Variants in CPNE4 observed in about 807,000 individuals in gnomAD.
CPNE4 encodes copine 4, also known as copine-4.
In CPNE4, 25 loss-of-function variants were observed where a neutral mutation model predicts 67.9. The observed-to-expected ratio is 0.37, with a 90% CI of 0.27 to 0.51. The LOEUF is 0.51. Ranked by LOEUF, CPNE4 falls within the 20% of genes least tolerant of loss-of-function variation. The pLI is 0.93. For missense variants in CPNE4, 464 were observed against 690.8 expected (o/e 0.67, Z 3.68); for synonymous variants, 242 against 244.9 (o/e 0.99, Z 0.11).
intron 2 of CPNE4, among the ~76,000 whole-genome samples, chr3:131,876,232 C>T (rs966495107): frequency 1.5e-5 from 2 of 135,158 alleles, no homozygotes; most frequent in African/African-American, 2.8e-5. Flanking sequence ...GAGCAAGACT[C>T]GGTCTCAAAA....
intron 2 of CPNE4, among the ~76,000 whole-genome samples, chr3:131,783,594 CA>C (rs2083479503): frequency 6.6e-6 from 1 of 151,804 alleles, no homozygotes; most frequent in Non-Finnish European, 1.5e-5. Flanking sequence ...TTTGTGATAC[CA>C]TTTTTGCAGC....
chr3:132,020,485 G>T (rs959390408), intron 1 of CPNE4, among the ~76,000 whole-genome samples: 1 of 152,176 alleles, frequency 6.6e-6, no homozygotes, highest in Non-Finnish European at 1.5e-5. Flanking sequence ...CAGGAAAGGG[G>T]GACTGTGGGA....
intron 1 of CPNE4, among the ~76,000 whole-genome samples, chr3:131,957,071 T>C (rs376484121): frequency 9.2e-5 from 14 of 152,338 alleles, no homozygotes; most frequent in Admixed American, 7.2e-4. Context: ...CCTCTCCCAA[T>C]TCAATGCCGT....
At chr3:131,808,298 TCAGA>T (rs2084396164) in intron 2 of CPNE4, among the ~76,000 whole-genome samples, 4 of 152,166 alleles carry the variant, frequency 2.6e-5, no homozygotes, top group African/African-American at 7.2e-5. Flanking sequence ...GTTAGAACTC[TCAGA>T]CAGAGGATTT....
chr3:131,749,797 G>T (rs1451245018), intron 2 of CPNE4, among the ~76,000 whole-genome samples: 2 of 152,076 alleles, frequency 1.3e-5, no homozygotes, highest in Non-Finnish European at 2.9e-5. Flanking sequence ...ATATTTGCAT[G>T]ATATATCCTT....
At chr3:131,556,230 T>G (rs1936449423) in intron 11 of CPNE4, among the ~76,000 whole-genome samples, 1 of 151,876 alleles carries the variant, frequency 6.6e-6, no homozygotes, top group South Asian at 2.1e-4. Context: ...AAAAATTAGC[T>G]GGGCATGGTG....
chr3:131,942,822 G>A (rs926837880), intron 1 of CPNE4, among the ~76,000 whole-genome samples: 4 of 152,154 alleles, frequency 2.6e-5, no homozygotes, highest in African/African-American at 9.7e-5. Flanking sequence ...TCTGTAAAAT[G>A]ATCTCTAAGA....
chr3:132,000,423 G>A (rs1170701315), intron 1 of CPNE4, among the ~76,000 whole-genome samples: 1 of 151,732 alleles, frequency 6.6e-6, no homozygotes, highest in Non-Finnish European at 1.5e-5. Context: ...ATAAAACAGA[G>A]CACAAAATTT....
chr3:131,843,540 T>G (rs941787144), intron 2 of CPNE4, among the ~76,000 whole-genome samples: 3 of 152,242 alleles, frequency 2.0e-5, no homozygotes, highest in African/African-American at 7.2e-5. Flanking sequence ...TGAAGTAACG[T>G]GTGTTGACAG....
intron 1 of CPNE4, chr3:132,017,655 G>T: frequency 6.6e-6 from 1 of 152,378 alleles, no homozygotes. Context: ...CAGCACCACC[G>T]ATCCTGGGAA....
chr3:131,936,374 G>C (rs910062972), intron 1 of CPNE4, among the ~76,000 whole-genome samples: 1 of 151,996 alleles, frequency 6.6e-6, no homozygotes, highest in African/African-American at 2.4e-5. Context: ...GGATGGGGGT[G>C]GGGTGGGCAG....
chr3:131,562,485 A>C (rs1353930516), intron 11 of CPNE4, among the ~76,000 whole-genome samples: 1 of 152,010 alleles, frequency 6.6e-6, no homozygotes, highest in East Asian at 1.9e-4. Context: ...TGTTAAGTGC[A>C]TTTACCTACT....
At chr3:131,684,297 G>T (rs549001698) in intron 6 of CPNE4, among the ~76,000 whole-genome samples, 1 of 152,120 alleles carries the variant, frequency 6.6e-6, no homozygotes, top group Admixed American at 6.6e-5. Context: ...GAAACTTAAC[G>T]GGTGAAAGAC....
chr3:131,619,003 T>C (rs1940317059), intron 7 of CPNE4, among the ~76,000 whole-genome samples: 1 of 152,154 alleles, frequency 6.6e-6, no homozygotes, highest in African/African-American at 2.4e-5. Flanking sequence ...GTAAAAAGCA[T>C]TGTGGACAAA....
intron 7 of CPNE4, among the ~76,000 whole-genome samples, chr3:131,603,914 C>A (rs994327343): frequency 6.6e-6 from 1 of 152,128 alleles, no homozygotes; most frequent in East Asian, 1.9e-4. Flanking sequence ...GGCTGTCTTA[C>A]CTGGAGAAAG....
At chr3:131,717,406 G>A (rs1560171409) in intron 3 of CPNE4, among the ~76,000 whole-genome samples, 1 of 152,218 alleles carries the variant, frequency 6.6e-6, no homozygotes, top group East Asian at 1.9e-4. Flanking sequence ...CCTCCTCGAA[G>A]AATCTCATCC....
chr3:132,019,067 C>T (rs776652259), intron 1 of CPNE4, among the ~76,000 whole-genome samples: 11 of 150,356 alleles, frequency 7.3e-5, no homozygotes, highest in Non-Finnish European at 1.5e-4. Flanking sequence ...ATGGCTGTCA[C>T]CTTTATGAAT....
chr3:131,932,158 C>G (rs1213358436), intron 1 of CPNE4, among the ~76,000 whole-genome samples: 3 of 152,172 alleles, frequency 2.0e-5, no homozygotes, highest in Non-Finnish European at 4.4e-5. Context: ...GACAGGAGGT[C>G]TCCAAACCAA....
chr3:131,589,932 C>A (rs1938427651), intron 7 of CPNE4, among the ~76,000 whole-genome samples: 1 of 152,112 alleles, frequency 6.6e-6, no homozygotes. Flanking sequence ...ACTAGAGACA[C>A]AGAGGTGGGA....
Sources: allele counts gnomAD v4.1 joint callset (sites outside exome capture counted in the v4.1 genomes callset), GRCh38; gene constraint gnomAD v4.1.1; transcripts MANE v1.5; gene names NCBI Gene and HGNC (gene_info 2026-07-23, HGNC 2026-07-21).